The following XKR4 variants were observed in gnomAD, a reference collection of about 807,000 sequenced individuals.
The protein encoded by XKR4 is XK-related protein 4.
XKR4 carries 12 observed loss-of-function variants against 53.9 expected under a neutral mutation model. The ratio of observed to expected loss-of-function variants is 0.22; its 90% CI spans 0.14 to 0.36. The LOEUF (loss-of-function observed/expected upper bound fraction) is 0.36. XKR4 is among the 10% of genes least tolerant of loss of function. The probability of loss-of-function intolerance (pLI) is 1.00; values close to 1 mark genes in which losing one functional copy is unlikely to be tolerated. For synonymous variants in XKR4, 354 were observed against 362.4 expected (o/e 0.98, Z 0.26); for missense variants, 799 against 859.5 (o/e 0.93, Z 0.88).
intron 1 of XKR4, chr8:55,135,120 C>A (rs1816607405): frequency 6.6e-6 from 1 of 152,550 alleles, no homozygotes; most frequent in Non-Finnish European, 1.5e-5. Context: ...GCCGCAATTA[C>A]ATTTGTACCA....
chr8:55,278,995 G>A (rs1818801783), intron 1 of XKR4, among the ~76,000 whole-genome samples: 1 of 152,136 alleles, frequency 6.6e-6, no homozygotes, highest in African/African-American at 2.4e-5. Context: ...TAGCTTTTGG[G>A]AAATAATTAT....
At chr8:55,457,955 A>G (rs1805594547) in intron 2 of XKR4, among the ~76,000 whole-genome samples, 2 of 152,164 alleles carry the variant, frequency 1.3e-5, no homozygotes, top group South Asian at 4.1e-4. Context: ...ACACAAAAAA[A>G]CCATAAAACG....
intron 1 of XKR4, among the ~76,000 whole-genome samples, chr8:55,287,473 C>T (rs1035221090): frequency 3.3e-5 from 5 of 152,210 alleles, no homozygotes; most frequent in African/African-American, 1.2e-4. Context: ...CAAGATGTTT[C>T]AGCTTCTCCT....
intron 2 of XKR4, among the ~76,000 whole-genome samples, chr8:55,399,618 A>G (rs1330653653): frequency 1.3e-5 from 2 of 152,208 alleles, no homozygotes; most frequent in Admixed American, 1.3e-4. Flanking sequence ...CAGGAATCCA[A>G]GTCTGTAATC....
chr8:55,276,724 T>C (rs1443343940), intron 1 of XKR4, among the ~76,000 whole-genome samples: 1 of 152,230 alleles, frequency 6.6e-6, no homozygotes, highest in Admixed American at 6.5e-5. Context: ...CAGTAAATAT[T>C]GGGCACATTA....
Position 55,102,754 on chromosome 8 carries a change from G to A in XKR4, c.266G>A (p.Gly89Asp). The change falls in exon 1 of 3, where the codon GGC becomes GAC. Residue 89 changes from glycine (G) to aspartate (D), a missense_variant. This residue lies in a region of XKR4 where 476 missense variants were observed against 505.4 expected (regional missense o/e 0.94). Transcript: ENST00000327381. This position sits in a 1 kb window ranked among gnomAD's most constrained non-coding sequence, Gnocchi z 5.1. ...GGCGGCGTCGCCGGCCCGGGCGGCG[G>A]CGGGGCGGGCTCGGCTGCGCTGTGC... ...GSGGVAGPGGGGAGSAALCLR... is the reference protein window; with the variant it reads ...GSGGVAGPGGDGAGSAALCLR... 1 of 1,263,478 alleles carries A rather than the reference G, an allele frequency of 7.9e-7. No individual in the cohort carries two copies. The highest frequency in any genetic ancestry group is 9.9e-7 in the Non-Finnish European group (1 of 1,005,376). 78.3% of individuals were successfully genotyped at this position (1,263,478 alleles called of 1,614,324 possible). A position where few individuals can be genotyped will look rare whatever the true frequency, so the allele number is the denominator to read the frequency against.
chr8:55,355,459 C>T lies in XKR4; in HGVS notation c.807-2219C>T, dbSNP rs139972580. ...GATTAGAAAAAATACTGAATGCTAT[C>T]ATTCAAGAAAAATTAAAACTACACA... On this transcript the variant is annotated intron_variant, in intron 1 of 2. Coordinates refer to ENST00000327381, the MANE Select transcript of XKR4 (RefSeq NM_052898.2). Among the ~76,000 whole-genome samples, 768 of 152,246 alleles carry T rather than the reference C, an allele frequency of 5.0e-3. 5 individuals are homozygous for T. The highest frequency in any genetic ancestry group is 0.017 in the African/African-American group (721 of 41,542).
rs114625681 is a variant in XKR4 at position 55,217,271 on chromosome 8, T to C, written c.806+113977T>C. On this transcript the variant is annotated intron_variant, in intron 1 of 2. Coordinates refer to ENST00000327381, the MANE Select transcript of XKR4 (RefSeq NM_052898.2). ...AAAAAAAAAAAAAAGACATGGATAG[T>C]CCTTTCACTGAAAAAATAAATAAAT... 1.5e-3 allele frequency among the ~76,000 whole-genome samples: 217 copies of C among 148,680 alleles called. 3 individuals are homozygous for C. The highest frequency in any genetic ancestry group is 4.2e-3 in the African/African-American group (170 of 40,564).
At chr8:55,442,584 G>A (rs1258704423) in intron 2 of XKR4, among the ~76,000 whole-genome samples, 1 of 152,140 alleles carries the variant, frequency 6.6e-6, no homozygotes, top group African/African-American at 2.4e-5. Flanking sequence ...AAGCATCTGT[G>A]GATTGATGAG....
chr8:55,408,863 A>G (rs2929003), intron 2 of XKR4, among the ~76,000 whole-genome samples: 107,369 of 151,932 alleles, frequency 0.71, 39,200 homozygotes, highest in African/African-American at 0.9. Context: ...AAAAATTAGC[A>G]GGGCATGGTG....
chr8:55,429,221 C>T (rs569755922), intron 2 of XKR4, among the ~76,000 whole-genome samples: 2 of 152,248 alleles, frequency 1.3e-5, no homozygotes, highest in South Asian at 4.1e-4. Context: ...CATTCATAGG[C>T]AATAACAAAC....
intron 2 of XKR4, chr8:55,452,594 G>A: frequency 1.0e-6 from 1 of 977,186 alleles, no homozygotes; most frequent in Non-Finnish European, 1.6e-6. Flanking sequence ...CCGCCTCCAG[G>A]GTCTTAATGT....
At chr8:55,353,280 G>GTCATGATCA (rs1475707398) in intron 1 of XKR4, among the ~76,000 whole-genome samples, 1 of 152,188 alleles carries the variant, frequency 6.6e-6, no homozygotes, top group Non-Finnish European at 1.5e-5. Flanking sequence ...AAGTGAAGAT[G>GTCATGATCA]AGATCATTGG....
intron 1 of XKR4, among the ~76,000 whole-genome samples, chr8:55,235,329 G>A (rs1205802442): frequency 6.6e-6 from 1 of 152,244 alleles, no homozygotes; most frequent in East Asian, 1.9e-4. Context: ...TTCAAATAAG[G>A]TTACTTTCTA....
intron 1 of XKR4, among the ~76,000 whole-genome samples, chr8:55,117,395 T>A (rs140736532): frequency 1.3e-5 from 2 of 152,322 alleles, no homozygotes; most frequent in African/African-American, 4.8e-5. Flanking sequence ...ACAAAATCCC[T>A]AATATGAGTA....
intron 2 of XKR4, chr8:55,453,797 C>T (rs2975981): frequency 0.4 from 175,032 of 433,964 alleles, 37,504 homozygotes; most frequent in East Asian, 0.5. Flanking sequence ...ATGCAGGACT[C>T]ATTGGGGGTG....
intron 1 of XKR4, among the ~76,000 whole-genome samples, chr8:55,303,391 C>T (rs993217473): frequency 2.0e-5 from 3 of 152,058 alleles, no homozygotes; most frequent in Admixed American, 6.5e-5. Context: ...CTGCTGGATT[C>T]GGTTTGCCAG....
intron 1 of XKR4, among the ~76,000 whole-genome samples, chr8:55,144,380 A>G (rs1454089997): frequency 6.6e-6 from 1 of 152,116 alleles, no homozygotes; most frequent in African/African-American, 2.4e-5. Flanking sequence ...TTACTTTAAA[A>G]AAAAAATTCT....
rs149064734 is a variant in XKR4 at position 55,460,522 on chromosome 8, G to A, written c.1007-62759G>A. On this transcript the variant is annotated intron_variant, in intron 2 of 2. Coordinates refer to ENST00000327381, the MANE Select transcript of XKR4 (RefSeq NM_052898.2). ...GGGTGGAGCCAAGATGGCTGAATAGGAACAGCTTCAGTCTACAGCTCCCAG... is the reference window on the plus strand; with the variant it reads ...GGGTGGAGCCAAGATGGCTGAATAGAAACAGCTTCAGTCTACAGCTCCCAG... Among the ~76,000 whole-genome samples, 148 of 152,286 alleles carry A rather than the reference G, an allele frequency of 9.7e-4. 2 individuals are homozygous for A. In the East Asian group the frequency reaches 0.024, roughly 24 times the overall value.
Sources: allele counts gnomAD v4.1 joint callset (sites outside exome capture counted in the v4.1 genomes callset), GRCh38; gene constraint gnomAD v4.1.1; regional missense constraint gnomAD v4.1.1; non-coding constraint Gnocchi (gnomAD v3.1); transcripts MANE v1.5; gene names NCBI Gene and HGNC (gene_info 2026-07-23, HGNC 2026-07-21).